The following PCDHGA9 variants were observed in gnomAD, a reference collection of about 807,000 sequenced individuals.
PCDHGA9 encodes the protein protocadherin gamma-A9.
In PCDHGA9, 37 loss-of-function variants were observed where a neutral mutation model predicts 62.5. That is an observed-to-expected ratio of 0.59 (90% CI 0.46 to 0.78). The LOEUF is 0.78. Ranked by LOEUF, PCDHGA9 falls within the 30% of genes least tolerant of loss-of-function variation. PCDHGA9 has a pLI of 0.00. For synonymous variants in PCDHGA9, 459 were observed against 484.6 expected, an observed-to-expected ratio of 0.95 and a Z score of 0.69; for missense variants, 1,138 against 1,166.2, an observed-to-expected ratio of 0.98 and a Z score of 0.35.
chr5:141,478,418 C>A, intron 1 of PCDHGA9: 1 of 1,613,650 alleles, frequency 6.2e-7, no homozygotes, highest in Non-Finnish European at 8.5e-7. Context: ...GGACTCCCGC[C>A]GCAGCGACCC....
rs1562063782 is a variant in PCDHGA9, at chr5:141,477,676, A to G, written c.2425-17131A>G. ...TAAATCGTGACAATGGCATAGTGTC[A>G]TCCTTAGTGCCCCTAGACTATGAGG... On this transcript the variant is annotated intron_variant, in intron 1 of 3. Coordinates refer to ENST00000573521, the MANE Select transcript of PCDHGA9 (RefSeq NM_018921.3). This position sits in a 1 kb window ranked among gnomAD's most constrained non-coding sequence, Gnocchi z 4.9. The G allele has an allele frequency of 1.2e-6, 2 of 1,614,194 alleles. No homozygotes were observed. The highest frequency in any genetic ancestry group is 1.7e-6 in the Non-Finnish European group (2 of 1,180,046).
Position 141,485,432 on chromosome 5 carries a change from A to C in PCDHGA9, c.2425-9375A>C. The C allele has an allele frequency of 6.2e-7, 1 of 1,614,178 alleles. No individual in the cohort carries two copies. Among genetic ancestry groups the C allele is most frequent in the Non-Finnish European group, 8.5e-7 (1 of 1,180,028 alleles). ...TTTGGACAGCGGAGCCCTGCTCATC[A>C]AGAACCCAATCGACCGAGAGGCACT... On this transcript the variant is annotated intron_variant, in intron 1 of 3. Transcript: ENST00000573521. The surrounding 1 kb of genome is among the most constrained non-coding windows in gnomAD (Gnocchi z 5.7).
chr5:141,456,098 C>A (rs1222639126), intron 1 of PCDHGA9, among the ~76,000 whole-genome samples: 1 of 151,980 alleles, frequency 6.6e-6, no homozygotes. Context: ...GGGATTTCAC[C>A]GTGTTAGCCA....
rs1254680765 is a variant in PCDHGA9 at position 141,491,399 on chromosome 5, A to G, written c.2425-3408A>G. ...CTGTCAGCGAAGTGCCTTCAGGGAA[A>G]CGCAGACGGGGACGGGGGTGGAGGG... On this transcript the variant is annotated intron_variant, in intron 1 of 3. Transcript: ENST00000573521. This position sits in a 1 kb window ranked among gnomAD's most constrained non-coding sequence, Gnocchi z 6.9. 3 of 1,613,998 alleles carry G rather than the reference A, an allele frequency of 1.9e-6. No homozygotes were observed. Among genetic ancestry groups the G allele is most frequent in the Non-Finnish European group, 2.5e-6 (3 of 1,180,028 alleles).
rs141873183 is a variant in PCDHGA9 at position 141,511,011 on chromosome 5, C to T, written c.2637C>T (p.Tyr879=). The T allele has an allele frequency of 1.5e-5, 24 of 1,614,082 alleles. No individual in the cohort carries two copies. Among genetic ancestry groups the T allele is most frequent in the Middle Eastern group, 1.6e-4 (1 of 6,084 alleles). Residue 879 remains tyrosine (Y), a synonymous_variant, in exon 4 of 4, where the codon TAC becomes TAT. Transcript: ENST00000573521. ...GAGTMGLSAR[Y]GPQFTLQHVP... The stretch of plus-strand genomic sequence containing the variant: ...GCACCATGGGATTGAGCGCCCGCTA[C>T]GGACCCCAGTTCACCCTGCAGCACG...
At chr5:141,422,684 C>T (rs2096664410) in intron 1 of PCDHGA9, 1 of 1,604,876 alleles carries the variant, frequency 6.2e-7, no homozygotes, top group Admixed American at 1.7e-5. Flanking sequence ...AAACAGAATG[C>T]CCTGGTCACT....
rs1032814206 is a variant in PCDHGA9, at chr5:141,472,764, T to A, written c.2425-22043T>A. Among the ~76,000 whole-genome samples, 12 of 152,040 alleles carry A rather than the reference T, an allele frequency of 7.9e-5. No individual in the cohort carries two copies. The East Asian group carries it at 2.1e-3, about 27-fold the overall frequency. ...ACTTTGGGAGGCGGAGGCTGGCAGATCACCTGAGGTTGGGAGTTCAAGATC... is the reference window on the plus strand; with the variant it reads ...ACTTTGGGAGGCGGAGGCTGGCAGAACACCTGAGGTTGGGAGTTCAAGATC... On this transcript the variant is annotated intron_variant, in intron 1 of 3. Coordinates refer to ENST00000573521, the MANE Select transcript of PCDHGA9 (RefSeq NM_018921.3).
Position 141,450,758 on chromosome 5 carries a change from A to C in PCDHGA9, c.2425-44049A>C, listed in dbSNP as rs1007910264. On this transcript the variant is annotated intron_variant, in intron 1 of 3. Transcript: ENST00000573521. ...CGCCTTGGCCTCCCAAAGTGCCGGGATTACAGGCATGAGCCACCGTGCCCG... is the reference window on the plus strand; with the variant it reads ...CGCCTTGGCCTCCCAAAGTGCCGGGCTTACAGGCATGAGCCACCGTGCCCG... Among the ~76,000 whole-genome samples the C allele has an allele frequency of 5.3e-5, 8 of 151,784 alleles. No individual in the cohort carries two copies. In the East Asian group the frequency reaches 1.4e-3, roughly 26 times the overall value.
chr5:141,482,429 A>G (rs955366858), intron 1 of PCDHGA9, among the ~76,000 whole-genome samples: 1 of 151,366 alleles, frequency 6.6e-6, no homozygotes, highest in African/African-American at 2.4e-5. Flanking sequence ...AAAAATGATA[A>G]TACTGATATT....
In PCDHGA9 at chr5:141,511,539, C is replaced by CGAGAT; in HGVS notation, c.*366_*367insGAGAT. 3.0e-6 allele frequency: 1 copy of CGAGAT among 328,342 alleles called. No individual in the cohort carries two copies. Among genetic ancestry groups the CGAGAT allele is most frequent in the South Asian group, 3.2e-5 (1 of 31,708 alleles). 20.3% of individuals were successfully genotyped at this position (328,342 alleles called of 1,614,324 possible). On this transcript the variant is annotated 3_prime_UTR_variant, in exon 4 of 4. Transcript: ENST00000573521. ...CATCCCATGCCTCCCTCCTCCCCAC[C>CGAGAT]CCACTCCAACAGTTCCTCTTTCCCG...
intron 1 of PCDHGA9, among the ~76,000 whole-genome samples, chr5:141,492,170 C>A (rs1383768075): frequency 6.6e-6 from 1 of 152,226 alleles, no homozygotes; most frequent in Non-Finnish European, 1.5e-5. Context: ...ATCCCCGCAT[C>A]ACCCAACCGC....
chr5:141,417,947 T>A (rs958624664), intron 1 of PCDHGA9: 53 of 1,613,420 alleles, frequency 3.3e-5, no homozygotes, highest in Middle Eastern at 1.7e-4. Context: ...CCCCACGCTG[T>A]GTGAGCCGAT....
intron 1 of PCDHGA9, chr5:141,441,364 C>T (rs533396852): frequency 6.6e-6 from 1 of 152,646 alleles, no homozygotes; most frequent in South Asian, 2.1e-4. Context: ...CAAATGGGGC[C>T]GTGGACCAGG....
chr5:141,450,210 G>T (rs2098673599), intron 1 of PCDHGA9, among the ~76,000 whole-genome samples: 1 of 151,786 alleles, frequency 6.6e-6, no homozygotes. Flanking sequence ...TAGAGACAAG[G>T]TTTCACTATG....
At chr5:141,460,580 G>A (rs1037056676) in intron 1 of PCDHGA9, among the ~76,000 whole-genome samples, 7 of 152,160 alleles carry the variant, frequency 4.6e-5, no homozygotes, top group African/African-American at 1.4e-4. Flanking sequence ...ATGTAGGTGT[G>A]GGTTTTTTCT....
At chr5:141,510,674 GGCAT>G (rs1388331907) in intron 3 of PCDHGA9, among the ~76,000 whole-genome samples, 6 of 152,132 alleles carry the variant, frequency 3.9e-5, no homozygotes, top group Non-Finnish European at 8.8e-5. Flanking sequence ...AAACTGAAGT[GGCAT>G]AAGGAGGTTA....
intron 1 of PCDHGA9, among the ~76,000 whole-genome samples, chr5:141,426,133 G>A (rs2096916691): frequency 6.6e-6 from 1 of 152,212 alleles, no homozygotes. Context: ...GCCAAGACTT[G>A]GGCTTTCTGC....
At position 141,476,902 on chromosome 5, in the gene PCDHGA9, C is replaced by T. The variant is rs1399250599; in HGVS notation, c.2425-17905C>T. ...TGGAGGATGCACCCTCCGGCACGCG[C>T]GTGGTACAAGTCCTTGCAACGGATC... On this transcript the variant is annotated intron_variant, in intron 1 of 3. Transcript: ENST00000573521. This position sits in a 1 kb window ranked among gnomAD's most constrained non-coding sequence, Gnocchi z 7.6. 2 of 1,613,998 alleles carry T rather than the reference C, an allele frequency of 1.2e-6. No individual in the cohort carries two copies. The highest frequency in any genetic ancestry group is 1.7e-6 in the Non-Finnish European group (2 of 1,180,034).
chr5:141,423,539 T>C (rs747825176), intron 1 of PCDHGA9: 10 of 1,613,140 alleles, frequency 6.2e-6, no homozygotes, highest in Non-Finnish European at 8.5e-6. Flanking sequence ...CACCTGATTT[T>C]CCCCCAGCCC....
Sources: allele counts gnomAD v4.1 joint callset (sites outside exome capture counted in the v4.1 genomes callset), GRCh38; gene constraint gnomAD v4.1.1; non-coding constraint Gnocchi (gnomAD v3.1); transcripts MANE v1.5; gene names NCBI Gene and HGNC (gene_info 2026-07-23, HGNC 2026-07-21).